CACNB4: variants seen among roughly 807,000 people sequenced by gnomAD.
CACNB4 encodes the protein voltage-dependent L-type calcium channel subunit beta-4.
A neutral mutation model predicts 71.2 loss-of-function variants in CACNB4; 32 were observed. That is an observed-to-expected ratio of 0.45 (90% CI 0.34 to 0.60). The LOEUF (loss-of-function observed/expected upper bound fraction) is 0.60. Among genes scored for constraint, CACNB4 ranks in the 20% least tolerant of loss-of-function variants. CACNB4 has a pLI of 0.01. For missense variants in CACNB4, 464 were observed against 647.9 expected, an observed-to-expected ratio of 0.72 and a Z score of 3.08; for synonymous variants, 231 against 236.9, an observed-to-expected ratio of 0.97 and a Z score of 0.23.
chr2:151,953,024 A>G (rs2099867321), intron 2 of CACNB4, among the ~76,000 whole-genome samples: 1 of 152,316 alleles, frequency 6.6e-6, no homozygotes, highest in East Asian at 1.9e-4. Flanking sequence ...ACGGAGAGGA[A>G]ACTGAATACT....
chr2:152,094,209 G>A (rs926265425), intron 2 of CACNB4, among the ~76,000 whole-genome samples: 7 of 152,214 alleles, frequency 4.6e-5, no homozygotes, highest in African/African-American at 1.4e-4. Context: ...GGTTAGAAGA[G>A]GAAGTGAAGA....
intron 10 of CACNB4, among the ~76,000 whole-genome samples, chr2:151,855,858 T>C (rs1431013387): frequency 6.6e-6 from 1 of 152,190 alleles, no homozygotes; most frequent in Non-Finnish European, 1.5e-5. Context: ...AACTCATCTG[T>C]TTTGACTGAT....
At chr2:151,876,403 G>A in intron 5 of CACNB4, 23 bp downstream of exon 5, 1 of 1,584,432 alleles carries the variant, frequency 6.3e-7, no homozygotes, top group Non-Finnish European at 8.6e-7. Context: ...AAAAAAAAGT[G>A]CATAGAAAAG....
At chr2:151,952,867 G>C (rs1189368107) in intron 2 of CACNB4, among the ~76,000 whole-genome samples, 1 of 152,186 alleles carries the variant, frequency 6.6e-6, no homozygotes, top group Non-Finnish European at 1.5e-5. Context: ...GAATTTCAGG[G>C]AATCATGTGA....
At chr2:151,841,331 G>C (rs1394472657) in intron 13 of CACNB4, among the ~76,000 whole-genome samples, 3 of 152,122 alleles carry the variant, frequency 2.0e-5, no homozygotes, top group Non-Finnish European at 4.4e-5. Context: ...TCAACATTTT[G>C]GGAGGCCAAG....
chr2:151,862,028 G>GTTACTGTC (rs1173001387), intron 9 of CACNB4, among the ~76,000 whole-genome samples: 1 of 152,136 alleles, frequency 6.6e-6, no homozygotes, highest in Non-Finnish European at 1.5e-5. Context: ...CTTTAGGCCA[G>GTTACTGTC]TTACTGTCAC....
chr2:151,976,531 A>T (rs979596831), intron 2 of CACNB4, among the ~76,000 whole-genome samples: 1 of 152,156 alleles, frequency 6.6e-6, no homozygotes, highest in African/African-American at 2.4e-5. Context: ...CCCACAGCTG[A>T]TAACTAAAAA....
chr2:152,040,597 A>G (rs1684822973), intron 2 of CACNB4, among the ~76,000 whole-genome samples: 1 of 152,098 alleles, frequency 6.6e-6, no homozygotes, highest in Admixed American at 6.5e-5. Flanking sequence ...GCACACCACC[A>G]TGCCCAGCTA....
chr2:151,859,670 A>C (rs2099841152), intron 10 of CACNB4: 1 of 152,184 alleles, frequency 6.6e-6, no homozygotes, highest in South Asian at 2.1e-4. Flanking sequence ...AATCGCTGGG[A>C]TCTTCCCCTC....
intron 2 of CACNB4, among the ~76,000 whole-genome samples, chr2:151,964,910 A>C (rs2099870661): frequency 6.7e-6 from 1 of 148,518 alleles, no homozygotes; most frequent in Non-Finnish European, 1.5e-5. Context: ...AGCACTTCAC[A>C]AAGGGCCCTG....
chr2:152,028,138 G>A (rs1684079776), intron 2 of CACNB4, among the ~76,000 whole-genome samples: 1 of 152,168 alleles, frequency 6.6e-6, no homozygotes, highest in African/African-American at 2.4e-5. Flanking sequence ...GAAGAGCAAA[G>A]AGGGCATGAC....
chr2:151,860,905 C>A (rs935714758), intron 9 of CACNB4, 85 bp from the exon 10 acceptor site: 12 of 841,504 alleles, frequency 1.4e-5, no homozygotes, highest in Non-Finnish European at 2.2e-5. Flanking sequence ...TACTTAATAA[C>A]CAATTTACAT....
intron 2 of CACNB4, among the ~76,000 whole-genome samples, chr2:152,009,448 T>C (rs1182662746): frequency 6.6e-6 from 1 of 152,144 alleles, no homozygotes; most frequent in Non-Finnish European, 1.5e-5. Flanking sequence ...TAAGAACATA[T>C]CAATATCAGT....
intron 2 of CACNB4, among the ~76,000 whole-genome samples, chr2:152,007,984 C>A (rs1682827550): frequency 6.6e-6 from 1 of 152,012 alleles, no homozygotes; most frequent in African/African-American, 2.4e-5. Context: ...GTTGGCCAGG[C>A]TGGTCTTGAA....
At chr2:152,066,649 T>C (rs955194405) in intron 2 of CACNB4, among the ~76,000 whole-genome samples, 1 of 150,644 alleles carries the variant, frequency 6.6e-6, no homozygotes, top group African/African-American at 2.4e-5. Context: ...ACTGGGTATA[T>C]ACCCAAAGGA....
chr2:151,851,099 C>T (rs534827788), intron 12 of CACNB4: 26 of 152,260 alleles, frequency 1.7e-4, no homozygotes, highest in African/African-American at 4.6e-4. Flanking sequence ...TTAAGTAAGT[C>T]GCAAATTCTC....
At chr2:152,029,659 G>A (rs1297903283) in intron 2 of CACNB4, among the ~76,000 whole-genome samples, 1 of 152,096 alleles carries the variant, frequency 6.6e-6, no homozygotes, top group African/African-American at 2.4e-5. Context: ...TTCACAGACT[G>A]AAATCCTAAC....
chr2:151,877,697 C>G (rs1244402821), intron 4 of CACNB4, among the ~76,000 whole-genome samples: 1 of 152,182 alleles, frequency 6.6e-6, no homozygotes, highest in East Asian at 1.9e-4. Context: ...CCTACACTTA[C>G]AAAGTCTGAG....
intron 2 of CACNB4, among the ~76,000 whole-genome samples, chr2:151,900,987 C>CTTTTT (rs1559961065): frequency 2.3e-5 from 2 of 88,724 alleles, no homozygotes; most frequent in Non-Finnish European, 4.6e-5. Context: ...TTCTTTCTTT[C>CTTTTT]TTTCTTTTTT....
Sources: allele counts gnomAD v4.1 joint callset (sites outside exome capture counted in the v4.1 genomes callset), GRCh38; gene constraint gnomAD v4.1.1; transcripts MANE v1.5; gene names NCBI Gene and HGNC (gene_info 2026-07-23, HGNC 2026-07-21).